FCHO1: variants seen among roughly 807,000 people sequenced by gnomAD.
FCHO1 encodes the protein F-BAR domain only protein 1.
A neutral mutation model predicts 114.4 loss-of-function variants in FCHO1; 45 were observed. The ratio of observed to expected loss-of-function variants is 0.39; its 90% confidence interval spans 0.31 to 0.50. FCHO1 has a LOEUF of 0.50. Ranked by LOEUF, FCHO1 falls within the 20% of genes least tolerant of loss-of-function variation. The pLI is 0.77. For missense variants in FCHO1, 1,042 were observed against 1,209.6 expected (o/e 0.86, Z 2.06); for synonymous variants, 480 against 488.9 (o/e 0.98, Z 0.24).
intron 3 of FCHO1, 194 bp from the exon 4 acceptor site, chr19:17,754,924 C>G (rs1317307518): frequency 1.8e-6 from 1 of 544,014 alleles, no homozygotes. Flanking sequence ...GTGTCTTGTT[C>G]TGTCCCCCTC....
At chr19:17,778,542 G>T in intron 19 of FCHO1, 67 bp from the exon 20 acceptor site, 1 of 1,459,950 alleles carries the variant, frequency 6.8e-7, no homozygotes. Context: ...GCCGTGGCCT[G>T]CAGGAGGATG....
chr19:17,770,412 T>G lies in FCHO1; in HGVS notation c.337-13T>G. 6.3e-7 allele frequency: 1 copy of G among 1,599,386 alleles called. No homozygotes were observed. Among genetic ancestry groups the G allele is most frequent in the African/African-American group, 1.3e-5 (1 of 74,738 alleles). ...TTCACAGTCTACCCATGAAATCCCC[T>G]CCTACCCCGCAGTGCAAGGAGGAAG... is the stretch of plus-strand genomic sequence containing the variant. On this transcript the variant is annotated splice_polypyrimidine_tract_variant and intron_variant, in intron 7 of 28. Coordinates refer to ENST00000596536, the MANE Select transcript of FCHO1 (RefSeq NM_015122.3).
chr19:17,783,495 T>C (rs2093616087), intron 24 of FCHO1, among the ~76,000 whole-genome samples: 1 of 151,922 alleles, frequency 6.6e-6, no homozygotes, highest in Non-Finnish European at 1.5e-5. Context: ...CTCAAACTCC[T>C]GAGCTCAGGC....
At position 17,775,326 on chromosome 19, in the gene FCHO1, TC is replaced by T; in HGVS notation, c.946-129del. 3 of 963,374 alleles carry T rather than the reference TC, an allele frequency of 3.1e-6. No individual in the cohort carries two copies. In the South Asian group the frequency reaches 4.1e-5, roughly 13 times the overall value. 59.7% of individuals were successfully genotyped at this position (963,374 alleles called of 1,614,324 possible). On this transcript the variant is annotated intron_variant, in intron 14 of 28. Coordinates refer to ENST00000596536, the MANE Select transcript of FCHO1 (RefSeq NM_015122.3). The surrounding 1 kb of genome is among the most constrained non-coding windows in gnomAD (Gnocchi z 5.1). Reference sequence around the variant, plus strand: ...CTGCCCACACACCCAGGGAAGACAGTCGTTGCCATCAGGGTTGGTTTTGAGG... The same window carrying T: ...CTGCCCACACACCCAGGGAAGACAGTGTTGCCATCAGGGTTGGTTTTGAGG...
chr19:17,768,063 G>GT (rs551723360), intron 7 of FCHO1, among the ~76,000 whole-genome samples: 141 of 152,120 alleles, frequency 9.3e-4, no homozygotes, highest in African/African-American at 3.4e-3. Flanking sequence ...CTTTGTTTTT[G>GT]TTTTGTTTTG....
At chr19:17,788,243 CCT>C in intron 28 of FCHO1, 39 bp from the exon 29 acceptor site, 1 of 1,211,184 alleles carries the variant, frequency 8.3e-7, no homozygotes, top group Admixed American at 1.8e-5. Flanking sequence ...CTCCCGTACC[CCT>C]CCTCCCCACC....
chr19:17,756,488 C>T (rs951394662), intron 4 of FCHO1, among the ~76,000 whole-genome samples: 2 of 152,178 alleles, frequency 1.3e-5, no homozygotes, highest in Non-Finnish European at 2.9e-5. Flanking sequence ...AAACCACCCC[C>T]GACTTCCCCA....
At chr19:17,780,048 C>T (rs2093220434) in intron 20 of FCHO1, among the ~76,000 whole-genome samples, 1 of 151,852 alleles carries the variant, frequency 6.6e-6, no homozygotes. Flanking sequence ...ACCCGAGGTC[C>T]CCAGTAGTGT....
rs1222392243 is a variant in FCHO1 at position 17,775,660 on chromosome 19, C to T, written c.1003+147C>T. 4 of 798,900 alleles carry T rather than the reference C, an allele frequency of 5.0e-6. No homozygotes were observed. The highest frequency in any genetic ancestry group is 1.5e-5 in the South Asian group (1 of 64,786). The allele number at this position is 798,900 out of a possible 1,614,324, so 49.5% of individuals were successfully genotyped here. A position where few individuals can be genotyped will look rare whatever the true frequency, so the allele number is the denominator to read the frequency against. On this transcript the variant is annotated intron_variant, in intron 15 of 28. Coordinates refer to ENST00000596536, the MANE Select transcript of FCHO1 (RefSeq NM_015122.3). The surrounding 1 kb of genome is among the most constrained non-coding windows in gnomAD (Gnocchi z 5.1). ...ATGAAGCCAACCTAAATGTAAACACCCACTCTATGGGGTCAGCACTGGGCA... is the reference window on the plus strand; with the variant it reads ...ATGAAGCCAACCTAAATGTAAACACTCACTCTATGGGGTCAGCACTGGGCA...
intron 13 of FCHO1, chr19:17,774,847 A>C (rs2092388527): frequency 1.7e-6 from 1 of 596,024 alleles, no homozygotes; most frequent in African/African-American, 1.9e-5. Flanking sequence ...CTTCCCTCCC[A>C]GGCTGTTTGA....
chr19:17,750,997 A>G (rs974802698), upstream of FCHO1, among the ~76,000 whole-genome samples: 1 of 151,246 alleles, frequency 6.6e-6, no homozygotes, highest in African/African-American at 2.4e-5. Context: ...ATGGGCCACC[A>G]CGCCCAGCTA....
chr19:17,775,858 C>T lies in FCHO1; in HGVS notation c.1004-125C>T, dbSNP rs1038599955. 3 of 1,099,948 alleles carry T rather than the reference C, an allele frequency of 2.7e-6. No homozygotes were observed. Among genetic ancestry groups the T allele is most frequent in the Non-Finnish European group, 2.6e-6 (2 of 772,304 alleles). The allele number at this position is 1,099,948 out of a possible 1,614,324, so 68.1% of individuals were successfully genotyped here. On this transcript the variant is annotated intron_variant, in intron 15 of 28. Coordinates refer to ENST00000596536, the MANE Select transcript of FCHO1 (RefSeq NM_015122.3). This position sits in a 1 kb window ranked among gnomAD's most constrained non-coding sequence, Gnocchi z 5.1. ...CATGGTGTCAGGACTGAAGGTGGCG[C>T]GTGGTGAGCGATGGGATTGGGCAGG...
chr19:17,786,775 G>A (rs1331978162), intron 27 of FCHO1, 146 bp downstream of exon 27: 3 of 829,188 alleles, frequency 3.6e-6, no homozygotes, highest in Admixed American at 2.3e-5. Context: ...GAGGAGGGCC[G>A]GGCTGAGTGG....
intron 13 of FCHO1, 182 bp downstream of exon 13, chr19:17,774,660 C>T (rs1243013056): frequency 6.6e-6 from 4 of 604,402 alleles, no homozygotes; most frequent in Admixed American, 2.9e-5. Flanking sequence ...TCAATATTAC[C>T]GCTGCCCAAG....
chr19:17,751,126 C>T (rs971295318), upstream of FCHO1, among the ~76,000 whole-genome samples: 1 of 152,134 alleles, frequency 6.6e-6, no homozygotes, highest in African/African-American at 2.4e-5. This position sits in a 1 kb window ranked among gnomAD's most constrained non-coding sequence, Gnocchi z 4.4. Context: ...AGGCGTGAGC[C>T]ACCGCGCCTG....
intron 10 of FCHO1, 32 bp from the exon 11 acceptor site, chr19:17,772,613 G>A (rs1467380813): frequency 6.2e-7 from 1 of 1,613,614 alleles, no homozygotes; most frequent in East Asian, 2.2e-5. Context: ...AAGGGGCCTT[G>A]ACCAGTTACA....
chr19:17,757,401 G>T (rs551704449), intron 4 of FCHO1, among the ~76,000 whole-genome samples: 8 of 152,050 alleles, frequency 5.3e-5, no homozygotes, highest in Non-Finnish European at 1.2e-4. Context: ...TGCTCTGGGC[G>T]GTGGTGCCTG....
Position 17,784,277 on chromosome 19 carries a change from G to A in FCHO1, c.2226+42G>A. On this transcript the variant is annotated intron_variant, in intron 25 of 28. Coordinates refer to ENST00000596536, the MANE Select transcript of FCHO1 (RefSeq NM_015122.3). This position sits in a 1 kb window ranked among gnomAD's most constrained non-coding sequence, Gnocchi z 5.3. ...GGGCCGGGAGGAGGTGGTGGAGTGG[G>A]GGACACGGTGAGCCGGCAGCAGACA... The A allele has an allele frequency of 1.3e-6, 2 of 1,557,388 alleles. No homozygotes were observed. Among genetic ancestry groups the A allele is most frequent in the Non-Finnish European group, 1.7e-6 (2 of 1,150,176 alleles).
intron 24 of FCHO1, 61 bp downstream of exon 24, chr19:17,783,233 T>TC: frequency 6.6e-7 from 1 of 1,519,480 alleles, no homozygotes; most frequent in Non-Finnish European, 8.9e-7. Context: ...GCTTCCGGAC[T>TC]CTGAGTTCCC....
Sources: allele counts gnomAD v4.1 joint callset (sites outside exome capture counted in the v4.1 genomes callset), GRCh38; gene constraint gnomAD v4.1.1; non-coding constraint Gnocchi (gnomAD v3.1); transcripts MANE v1.5; gene names NCBI Gene and HGNC (gene_info 2026-07-23, HGNC 2026-07-21).